The following FAT3 variants were observed in gnomAD, a reference collection of about 807,000 sequenced individuals.
FAT3 encodes the protein protocadherin Fat 3.
In FAT3, 95 loss-of-function variants were observed where a neutral mutation model predicts 310.2. The observed-to-expected ratio is 0.31, with a 90% CI of 0.26 to 0.36. FAT3 has a LOEUF of 0.36. FAT3 is among the 10% of genes least tolerant of loss of function. The pLI, the probability that FAT3 is intolerant of heterozygous loss-of-function variation, is 1.00. For missense variants in FAT3, 5,408 were observed against 5,715.6 expected, an observed-to-expected ratio of 0.95 and a Z score of 1.74; for synonymous variants, 2,314 against 2,192.9, an observed-to-expected ratio of 1.06 and a Z score of -1.54.
chr11:92,671,871 C>T (rs2135826408), intron 3 of FAT3, among the ~76,000 whole-genome samples: 1 of 152,180 alleles, frequency 6.6e-6, no homozygotes, highest in South Asian at 2.1e-4. Context: ...TTTGGGAGGC[C>T]AAGGCAGGTG....
At chr11:92,870,646 G>A (rs1251927469) in intron 22 of FAT3, among the ~76,000 whole-genome samples, 4 of 152,050 alleles carry the variant, frequency 2.6e-5, no homozygotes, top group African/African-American at 7.2e-5. Context: ...AGTCCTCCAC[G>A]CCTTATCATG....
chr11:92,244,905 A>G (rs1590999144), intron 1 of FAT3, among the ~76,000 whole-genome samples: 1 of 152,248 alleles, frequency 6.6e-6, no homozygotes, highest in East Asian at 1.9e-4. Context: ...AGTGTAAATT[A>G]GTTCAACCAT....
chr11:92,501,562 C>T (rs1952939139), intron 2 of FAT3, among the ~76,000 whole-genome samples: 1 of 151,938 alleles, frequency 6.6e-6, no homozygotes, highest in Admixed American at 6.6e-5. Context: ...TAAGGAATTT[C>T]AACAGTCATT....
intron 3 of FAT3, among the ~76,000 whole-genome samples, chr11:92,622,609 A>G (rs1469200077): frequency 6.6e-6 from 1 of 152,148 alleles, no homozygotes; most frequent in Non-Finnish European, 1.5e-5. Flanking sequence ...GTATATTTAT[A>G]TATCAACTGT....
intron 3 of FAT3, among the ~76,000 whole-genome samples, chr11:92,542,565 A>G (rs1172859163): frequency 6.6e-6 from 1 of 152,034 alleles, no homozygotes. Flanking sequence ...AAGACATACG[A>G]ATGGCCAACA....
chr11:92,567,599 C>A (rs996897590), intron 3 of FAT3, among the ~76,000 whole-genome samples: 10 of 151,632 alleles, frequency 6.6e-5, no homozygotes, highest in African/African-American at 1.9e-4. Context: ...ATGTTTATTG[C>A]GGCACTATTC....
At chr11:92,813,306 A>G (rs1218303142) in intron 13 of FAT3, among the ~76,000 whole-genome samples, 4 of 152,184 alleles carry the variant, frequency 2.6e-5, no homozygotes, top group African/African-American at 9.7e-5. Context: ...ACAGGTTCAC[A>G]GGAAGTTGCA....
At chr11:92,239,636 T>C (rs1288499933) in intron 1 of FAT3, among the ~76,000 whole-genome samples, 1 of 152,134 alleles carries the variant, frequency 6.6e-6, no homozygotes, top group African/African-American at 2.4e-5. Context: ...TGGGCTATTA[T>C]AAGATTCTGA....
chr11:92,336,227 G>A, intron 1 of FAT3: 1 of 567,700 alleles, frequency 1.8e-6, no homozygotes, highest in Non-Finnish European at 3.5e-6. Context: ...CAAAGAAGAA[G>A]ACAACTCACA....
intron 3 of FAT3, among the ~76,000 whole-genome samples, chr11:92,591,135 C>G (rs1939404240): frequency 6.6e-6 from 1 of 152,074 alleles, no homozygotes; most frequent in Non-Finnish European, 1.5e-5. Context: ...ATTTCCAAGC[C>G]AAATATAAAT....
chr11:92,680,963 A>G (rs182202485), intron 3 of FAT3, among the ~76,000 whole-genome samples: 5 of 152,242 alleles, frequency 3.3e-5, no homozygotes, highest in Non-Finnish European at 4.4e-5. Flanking sequence ...GGTACTAAAA[A>G]CATTCAATAT....
At chr11:92,514,003 G>A (rs573906355) in intron 2 of FAT3, among the ~76,000 whole-genome samples, 1 of 152,116 alleles carries the variant, frequency 6.6e-6, no homozygotes, top group African/African-American at 2.4e-5. Context: ...AAACAACCTA[G>A]CATGTAATAT....
chr11:92,336,415 G>A (rs981471410), intron 1 of FAT3: 6 of 336,772 alleles, frequency 1.8e-5, no homozygotes, highest in Admixed American at 8.2e-5. Context: ...GATTCCCAGC[G>A]GAGGTGGGTG....
At chr11:92,815,641 T>C (rs1947803156) in intron 13 of FAT3, among the ~76,000 whole-genome samples, 1 of 152,182 alleles carries the variant, frequency 6.6e-6, no homozygotes, top group East Asian at 1.9e-4. Context: ...AGATGTGAAA[T>C]CTGTAGATTT....
chr11:92,786,425 A>C (rs1946895396), intron 7 of FAT3, among the ~76,000 whole-genome samples: 2 of 152,148 alleles, frequency 1.3e-5, no homozygotes, highest in South Asian at 4.1e-4. Flanking sequence ...CATCTAACCT[A>C]TAGAAGAATG....
intron 3 of FAT3, among the ~76,000 whole-genome samples, chr11:92,664,602 C>T (rs753598855): frequency 6.6e-6 from 1 of 152,138 alleles, no homozygotes; most frequent in African/African-American, 2.4e-5. Flanking sequence ...CCTACCAACA[C>T]ACACATGCAC....
At chr11:92,470,475 A>T (rs1210851474) in intron 2 of FAT3, among the ~76,000 whole-genome samples, 1 of 152,242 alleles carries the variant, frequency 6.6e-6, no homozygotes, top group Non-Finnish European at 1.5e-5. Flanking sequence ...CATAGAAACC[A>T]TATCCCCATT....
intron 3 of FAT3, among the ~76,000 whole-genome samples, chr11:92,595,796 A>T (rs1476551150): frequency 2.6e-5 from 4 of 152,184 alleles, no homozygotes; most frequent in Non-Finnish European, 5.9e-5. Context: ...CTGACACCTG[A>T]TAGGCATGTT....
intron 4 of FAT3, among the ~76,000 whole-genome samples, chr11:92,718,883 A>C (rs948480746): frequency 6.6e-6 from 1 of 152,158 alleles, no homozygotes; most frequent in Non-Finnish European, 1.5e-5. Flanking sequence ...AATAATCTTA[A>C]ATTTTAATGA....
Sources: gnomAD v4.1 joint callset for allele counts (sites outside exome capture counted in the v4.1 genomes callset) on GRCh38, gnomAD v4.1.1 for gene constraint, MANE v1.5 for transcripts, NCBI Gene and HGNC (gene_info 2026-07-23, HGNC 2026-07-21) for gene names.